SHB: variants seen among roughly 807,000 people sequenced by gnomAD.
SHB encodes SH2 domain-containing adapter protein B.
SHB carries 20 observed loss-of-function variants against 52.3 expected under a neutral mutation model. The ratio of observed to expected loss-of-function variants is 0.38; its 90% CI spans 0.27 to 0.56. The LOEUF (loss-of-function observed/expected upper bound fraction) is 0.56. Ranked by LOEUF, SHB falls within the 20% of genes least tolerant of loss-of-function variation. The pLI is 0.71. For synonymous variants in SHB, 397 were observed against 316.5 expected, an observed-to-expected ratio of 1.25 and a Z score of -2.70; for missense variants, 825 against 723.3, an observed-to-expected ratio of 1.14 and a Z score of -1.61.
At chr9:37,974,505 A>T in intron 3 of SHB, 117 bp downstream of exon 3, 1 of 839,146 alleles carries the variant, frequency 1.2e-6, no homozygotes, top group Non-Finnish European at 1.9e-6. Context: ...GAGAAAAAAG[A>T]CCACCCAACT....
intron 3 of SHB, 51 bp from the exon 4 acceptor site, chr9:37,956,105 C>T: frequency 6.6e-7 from 1 of 1,519,884 alleles, no homozygotes; most frequent in Non-Finnish European, 8.9e-7. Context: ...GCCCAGGGAG[C>T]TACTGTGAGG....
intron 2 of SHB, among the ~76,000 whole-genome samples, chr9:38,002,656 C>T (rs1238105405): frequency 1.3e-5 from 2 of 152,190 alleles, no homozygotes; most frequent in African/African-American, 4.8e-5. Context: ...CCTAGCTTGG[C>T]TCTAAAATTC....
intron 5 of SHB, among the ~76,000 whole-genome samples, chr9:37,938,077 T>A (rs1187290750): frequency 6.6e-6 from 1 of 152,204 alleles, no homozygotes; most frequent in Non-Finnish European, 1.5e-5. Context: ...CTGTGGGGCC[T>A]TTGTATCGCT....
intron 4 of SHB, among the ~76,000 whole-genome samples, chr9:37,954,897 G>C (rs144229132): frequency 2.3e-3 from 348 of 152,240 alleles, no homozygotes; most frequent in African/African-American, 7.8e-3. Context: ...TGGCCAAGGG[G>C]AGGGGCAATA....
At chr9:38,009,947 T>C (rs972613872) in intron 2 of SHB, among the ~76,000 whole-genome samples, 2 of 152,262 alleles carry the variant, frequency 1.3e-5, no homozygotes, top group African/African-American at 4.8e-5. Context: ...CAATTAATGC[T>C]TAAAGATTCA....
chr9:38,069,093 A>G lies in SHB; in HGVS notation c.-448T>C, dbSNP rs1245453379. 2 of 151,508 alleles carry G rather than the reference A, an allele frequency of 1.3e-5. No homozygotes were observed. The highest frequency in any genetic ancestry group is 4.8e-5 in the African/African-American group (2 of 41,254). 9.4% of individuals were successfully genotyped at this position (151,508 alleles called of 1,614,324 possible). A position where few individuals can be genotyped will look rare whatever the true frequency, so the allele number is the denominator to read the frequency against. Reference sequence around the variant, plus strand: ...CTCGGCTCCCTTCTTCCTTCCTGCGAGCGCTGGGGAGAGCTCGGCCCCGCA... The same window carrying G: ...CTCGGCTCCCTTCTTCCTTCCTGCGGGCGCTGGGGAGAGCTCGGCCCCGCA... On this transcript the variant is annotated 5_prime_UTR_variant, in exon 1 of 6. Transcript: ENST00000377707.
chr9:38,009,531 G>A (rs1821111723), intron 2 of SHB, among the ~76,000 whole-genome samples: 1 of 152,256 alleles, frequency 6.6e-6, no homozygotes. Flanking sequence ...CAGAGCCAGG[G>A]GCAGAGCCAA....
chr9:37,916,149 C>T lies in SHB; in HGVS notation c.*3672G>A, dbSNP rs1832095490. On this transcript the variant is annotated 3_prime_UTR_variant, in exon 6 of 6. Coordinates refer to ENST00000377707, the MANE Select transcript of SHB (RefSeq NM_003028.3). ...TCCCCGTGGGGTTCTGGGAGGTGCG[C>T]CCACATCTAAGACTGTGCGCCCTGC... is the stretch of plus-strand genomic sequence containing the variant. 6.6e-6 allele frequency among the ~76,000 whole-genome samples: 1 copy of T among 152,202 alleles called. No homozygotes were observed. Among genetic ancestry groups the T allele is most frequent in the African/African-American group, 2.4e-5 (1 of 41,452 alleles).
At chr9:38,039,903 C>T (rs1236393365) in intron 1 of SHB, among the ~76,000 whole-genome samples, 1 of 152,262 alleles carries the variant, frequency 6.6e-6, no homozygotes, top group Admixed American at 6.5e-5. Flanking sequence ...TCTGGCGGCC[C>T]ATGCCCTGCC....
intron 3 of SHB, among the ~76,000 whole-genome samples, chr9:37,957,464 ACT>A (rs1316756140): frequency 6.6e-6 from 1 of 152,014 alleles, no homozygotes. Context: ...CCTCTAAGAC[ACT>A]CTTTCTCCAT....
chr9:37,960,877 A>G (rs1832686144), intron 3 of SHB, among the ~76,000 whole-genome samples: 1 of 152,178 alleles, frequency 6.6e-6, no homozygotes. Flanking sequence ...CTCAAAGCCA[A>G]ATAGCAGGGT....
chr9:38,025,886 C>A (rs1821334768), intron 1 of SHB, among the ~76,000 whole-genome samples: 1 of 152,184 alleles, frequency 6.6e-6, no homozygotes, highest in African/African-American at 2.4e-5. Context: ...GCAGAACACT[C>A]CTGAGCGGGT....
chr9:38,047,552 T>C (rs1284760291), intron 1 of SHB, among the ~76,000 whole-genome samples: 3 of 152,252 alleles, frequency 2.0e-5, no homozygotes, highest in Non-Finnish European at 2.9e-5. Context: ...GCAACATTCC[T>C]ACCCCTCTTG....
chr9:38,012,332 C>A (rs898090155), intron 2 of SHB, among the ~76,000 whole-genome samples: 2 of 152,180 alleles, frequency 1.3e-5, no homozygotes, highest in African/African-American at 4.8e-5. Flanking sequence ...AACTGACTTA[C>A]CAGCTGGGAC....
intron 1 of SHB, among the ~76,000 whole-genome samples, chr9:38,064,174 C>G (rs1021743158): frequency 6.6e-6 from 1 of 151,598 alleles, no homozygotes; most frequent in Admixed American, 6.6e-5. Flanking sequence ...CCCAGGAGCT[C>G]GGGACCTCAC....
At chr9:37,935,406 G>A (rs1300044647) in intron 5 of SHB, among the ~76,000 whole-genome samples, 1 of 152,166 alleles carries the variant, frequency 6.6e-6, no homozygotes, top group Non-Finnish European at 1.5e-5. Flanking sequence ...AGGAAATGAC[G>A]GGCACACGGC....
chr9:37,977,397 G>C (rs115855404), intron 2 of SHB, among the ~76,000 whole-genome samples: 3 of 152,286 alleles, frequency 2.0e-5, no homozygotes, highest in African/African-American at 7.2e-5. Flanking sequence ...CCTGGAAAGA[G>C]AGAGAATAAG....
intron 1 of SHB, among the ~76,000 whole-genome samples, chr9:38,016,676 A>G (rs954726144): frequency 1.7e-4 from 26 of 152,172 alleles, no homozygotes; most frequent in Admixed American, 6.5e-5. Context: ...ACTACATACA[A>G]AGATCACTGT....
intron 5 of SHB, among the ~76,000 whole-genome samples, chr9:37,946,758 C>A (rs1832496016): frequency 6.6e-6 from 1 of 152,172 alleles, no homozygotes; most frequent in Non-Finnish European, 1.5e-5. Flanking sequence ...GGCCAGGCCC[C>A]CAGCCACGGG....
Sources: gnomAD v4.1 joint callset for allele counts (sites outside exome capture counted in the v4.1 genomes callset) on GRCh38, gnomAD v4.1.1 for gene constraint, MANE v1.5 for transcripts, NCBI Gene and HGNC (gene_info 2026-07-23, HGNC 2026-07-21) for gene names.